The following PDHB variants were observed in gnomAD, a reference collection of about 807,000 sequenced individuals.
PDHB encodes pyruvate dehydrogenase E1 subunit beta.
PDHB carries 17 observed loss-of-function variants against 42.8 expected under a neutral mutation model. That is an observed-to-expected ratio of 0.40 (90% CI 0.27 to 0.60). The LOEUF is 0.60. Ranked by LOEUF, PDHB falls within the 20% of genes least tolerant of loss-of-function variation. The pLI is 0.46. For synonymous variants in PDHB, 154 were observed against 148.7 expected (o/e 1.04, Z -0.26); for missense variants, 322 against 451.3 (o/e 0.71, Z 2.60).
chr3:58,428,331 G>T, intron 9 of PDHB, 142 bp downstream of exon 9: 1 of 1,214,346 alleles, frequency 8.2e-7, no homozygotes, highest in Non-Finnish European at 1.2e-6. Flanking sequence ...ATATCTGCCT[G>T]AAGAGAAATG....
chr3:58,431,089 C>G lies in PDHB; in HGVS notation c.304-147G>C, dbSNP rs1474927906. 1.2e-5 allele frequency: 10 copies of G among 810,300 alleles called. No individual in the cohort carries two copies. Among genetic ancestry groups the G allele is most frequent in the Admixed American group, 1.0e-4 (5 of 47,756 alleles). The allele number at this position is 810,300 out of a possible 1,614,324, so 50.2% of individuals were successfully genotyped here. ...GGACAGGGTCTCACTGTCACCCATGCTGGAGTGCAGTGGCACACATCATAG... is the reference window on the plus strand; with the variant it reads ...GGACAGGGTCTCACTGTCACCCATGGTGGAGTGCAGTGGCACACATCATAG... On this transcript the variant is annotated intron_variant, in intron 5 of 9. Transcript: ENST00000302746. This position sits in a 1 kb window ranked among gnomAD's most constrained non-coding sequence, Gnocchi z 4.4.
rs916130485 is a variant in PDHB at position 58,433,537 on chromosome 3, C to T, written c.96+94G>A. 3.6e-6 allele frequency: 5 copies of T among 1,383,098 alleles called. No individual in the cohort carries two copies. In the East Asian group the frequency reaches 1.2e-4, roughly 34 times the overall value. 85.7% of individuals were successfully genotyped at this position (1,383,098 alleles called of 1,614,324 possible). On this transcript the variant is annotated intron_variant, in intron 2 of 9. Coordinates refer to ENST00000302746, the MANE Select transcript of PDHB (RefSeq NM_000925.4). ...TCCGCAAACCCAAGGCCCACGGCGC[C>T]GGAAGGCCACAGCGCAGGCGCGACT... is the stretch of plus-strand genomic sequence containing the variant.
chr3:58,433,819 G>A lies in PDHB; in HGVS notation c.-10C>T. ...CAGACACCGCCGCCATCTTGGTCGT[G>A]TCCTCTATCCGCTGCCAAACGACAA... On this transcript the variant is annotated 5_prime_UTR_variant, in exon 1 of 10. Coordinates refer to ENST00000302746, the MANE Select transcript of PDHB (RefSeq NM_000925.4). 6 of 1,609,714 alleles carry A rather than the reference G, an allele frequency of 3.7e-6. No individual in the cohort carries two copies. The highest frequency in any genetic ancestry group is 2.2e-5 in the East Asian group (1 of 44,636).
At position 58,429,801 on chromosome 3, in the gene PDHB, T is replaced by A; in HGVS notation, c.701-2A>T. On this transcript the variant is annotated splice_acceptor_variant, in intron 7 of 9. Coordinates refer to ENST00000302746, the MANE Select transcript of PDHB (RefSeq NM_000925.4). LOFTEE classifies it high-confidence loss of function. ...GGGAAACCACAGTTATATGTGTTCC[T>A]GAAAACAGAGTGGTCACAGATCAGA... The A allele has an allele frequency of 6.3e-7, 1 of 1,582,692 alleles. No individual in the cohort carries two copies.
At chr3:58,428,399 T>C in intron 9 of PDHB, 74 bp downstream of exon 9, 1 of 1,504,020 alleles carries the variant, frequency 6.6e-7, no homozygotes, top group Non-Finnish European at 9.3e-7. Context: ...TCAATCTCTT[T>C]ATCCTGTACG....
chr3:58,431,202 A>C lies in PDHB; in HGVS notation c.304-260T>G. On this transcript the variant is annotated intron_variant, in intron 5 of 9. Transcript: ENST00000302746. This position sits in a 1 kb window ranked among gnomAD's most constrained non-coding sequence, Gnocchi z 4.4. ...ACTGCAGGCAAGCACCACCACATCT[A>C]CCTACTTGGTATTTTTTTTTTTTCC... 1 of 538,002 alleles carries C rather than the reference A, an allele frequency of 1.9e-6. No individual in the cohort carries two copies. The highest frequency in any genetic ancestry group is 3.3e-6 in the Non-Finnish European group (1 of 302,596). The allele number at this position is 538,002 out of a possible 1,614,324, so 33.3% of individuals were successfully genotyped here.
At chr3:58,432,323 A>G (rs2062927383) in intron 2 of PDHB, 31 of 362,598 alleles carry the variant, frequency 8.5e-5, no homozygotes, top group South Asian at 7.3e-4. Flanking sequence ...TTCCACTTCT[A>G]TGTATATGCC....
chr3:58,432,711 A>G (rs939280014), intron 2 of PDHB: 3 of 150,638 alleles, frequency 2.0e-5, no homozygotes, highest in Non-Finnish European at 2.9e-5. Flanking sequence ...AAAAAAGAAA[A>G]TGTCGGGCTG....
In PDHB at chr3:58,430,735, C is replaced by A; in HGVS notation, c.511G>T (p.Gly171Cys). The change falls in exon 6 of 10, where the codon GGC (glycine) becomes TGC (cysteine). Residue 171 changes from glycine to cysteine, a missense_variant. Physicochemically the swap from Gly to Cys is radical, Grantham distance 159 (BLOSUM62 -3). Transcript: ENST00000302746. Reference sequence around the variant, plus strand: ...TTCCAGGGACTGACCACCTTTAAGCCTGGGCAGTGCCCATACCAGGCAGCA... The same window carrying A: ...TTCCAGGGACTGACCACCTTTAAGCATGGGCAGTGCCCATACCAGGCAGCA... ...CFAAWYGHCP[G>C]LKVVSPWNSE... 2 of 1,614,004 alleles carry A rather than the reference C, an allele frequency of 1.2e-6. No homozygotes were observed. Among genetic ancestry groups the A allele is most frequent in the African/African-American group, 2.7e-5 (2 of 75,072 alleles).
chr3:58,432,193 G>A lies in PDHB; in HGVS notation c.97-209C>T, dbSNP rs547981359. The A allele has an allele frequency of 6.4e-5, 38 of 589,822 alleles. No individual in the cohort carries two copies. The South Asian group carries it at 7.3e-4, about 11-fold the overall frequency. 36.5% of individuals were successfully genotyped at this position (589,822 alleles called of 1,614,324 possible). A position where few individuals can be genotyped will look rare whatever the true frequency, so the allele number is the denominator to read the frequency against. On this transcript the variant is annotated intron_variant, in intron 2 of 9. Transcript: ENST00000302746. Reference sequence around the variant, plus strand: ...GTGTTAATGTACTGAGTGCTCACTAGGTGCCAAGTACTGCCAAATACTTTG... The same window carrying A: ...GTGTTAATGTACTGAGTGCTCACTAAGTGCCAAGTACTGCCAAATACTTTG...
At chr3:58,433,716 C>T (rs2062944424) in intron 1 of PDHB, 32 bp from the exon 2 acceptor site, 3 of 1,612,374 alleles carry the variant, frequency 1.9e-6, no homozygotes, top group African/African-American at 1.3e-5. Flanking sequence ...GACGGCGGGA[C>T]GCAGGGTGGG....
chr3:58,433,814 G>T lies in PDHB; in HGVS notation c.-5C>A. 6.2e-7 allele frequency: 1 copy of T among 1,610,454 alleles called. No individual in the cohort carries two copies. Among genetic ancestry groups the T allele is most frequent in the African/African-American group, 1.3e-5 (1 of 74,964 alleles). ...CAAGCCAGACACCGCCGCCATCTTG[G>T]TCGTGTCCTCTATCCGCTGCCAAAC... is the stretch of plus-strand genomic sequence containing the variant. On this transcript the variant is annotated 5_prime_UTR_variant, in exon 1 of 10. Coordinates refer to ENST00000302746, the MANE Select transcript of PDHB (RefSeq NM_000925.4).
At chr3:58,428,336 GAA>G (rs770545101) in intron 9 of PDHB, 135 bp downstream of exon 9, 12 of 1,237,734 alleles carry the variant, frequency 9.7e-6, no homozygotes, top group Non-Finnish European at 1.3e-5. Flanking sequence ...TGCCTGAAGA[GAA>G]ATGCCAAACT....
intron 2 of PDHB, 99 bp downstream of exon 2, chr3:58,433,532 G>T: frequency 3.8e-6 from 5 of 1,327,412 alleles, no homozygotes; most frequent in Non-Finnish European, 5.2e-6. Flanking sequence ...CAAGGCCCAC[G>T]GCGCCGGAAG....
intron 2 of PDHB, 61 bp downstream of exon 2, chr3:58,433,570 C>G: frequency 6.5e-7 from 1 of 1,546,940 alleles, no homozygotes; most frequent in Admixed American, 1.9e-5. Flanking sequence ...ACTCCGGCCT[C>G]CTTCCCGAGA....
chr3:58,428,630 A>G lies in PDHB; in HGVS notation c.793-16T>C. 6.2e-7 allele frequency: 1 copy of G among 1,608,486 alleles called. No homozygotes were observed. Among genetic ancestry groups the G allele is most frequent in the Non-Finnish European group, 8.5e-7 (1 of 1,175,182 alleles). ...TATTTATCACCTAAACAGGTAATAT[A>G]ATCAAGTTTACAGAGCTATTGCAGC... On this transcript the variant is annotated splice_polypyrimidine_tract_variant and intron_variant, in intron 8 of 9. Transcript: ENST00000302746.
Position 58,428,113 on chromosome 3 carries a change from T to G in PDHB, c.1001A>C (p.Tyr334Ser). Reference protein sequence around the residue: ...RVTGADVPMPYAKILEDNSIP... With the variant: ...RVTGADVPMPSAKILEDNSIP... ...AGAGTTGTCCTCTAGAATCTTTGCATAAGGCATAGGGACATCAGCACCAGT... is the reference window on the plus strand; with the variant it reads ...AGAGTTGTCCTCTAGAATCTTTGCAGAAGGCATAGGGACATCAGCACCAGT... Residue 334 changes from tyrosine (Y) to serine (S), a missense_variant, in exon 10 of 10, where the codon TAT (tyrosine) becomes TCT (serine). Physicochemically the swap from Tyr to Ser is moderately radical, Grantham distance 144 (BLOSUM62 -2). This residue lies in a region of PDHB where 208 missense variants were observed against 285.0 expected (regional missense o/e 0.73). Coordinates refer to ENST00000302746, the MANE Select transcript of PDHB (RefSeq NM_000925.4). 6.2e-7 allele frequency: 1 copy of G among 1,611,986 alleles called. No homozygotes were observed. The highest frequency in any genetic ancestry group is 8.5e-7 in the Non-Finnish European group (1 of 1,178,010).
intron 2 of PDHB, 143 bp downstream of exon 2, chr3:58,433,488 A>C: frequency 2.3e-6 from 2 of 862,004 alleles, no homozygotes; most frequent in Non-Finnish European, 3.7e-6. Flanking sequence ...CAGAGGCAGC[A>C]GGAGCTCCAC....
At position 58,428,067 on chromosome 3, in the gene PDHB, G is replaced by T. The variant is rs772087134; in HGVS notation, c.1047C>A (p.Ile349=). The change falls in exon 10 of 10, where the codon ATC becomes ATA. Residue 349 remains isoleucine (I), a synonymous_variant. Transcript: ENST00000302746. ...EDNSIPQVKD[I]IFAIKKTLNI is the part of the protein sequence containing the mutation. Reference sequence around the variant, plus strand: ...TTAATGTTTTCTTTATTGCAAATATGATGTCTTTGACCTGAGGTATAGAGT... The same window carrying T: ...TTAATGTTTTCTTTATTGCAAATATTATGTCTTTGACCTGAGGTATAGAGT... 1.9e-5 allele frequency: 30 copies of T among 1,608,560 alleles called. No homozygotes were observed. Among genetic ancestry groups the T allele is most frequent in the Non-Finnish European group, 2.6e-5 (30 of 1,175,008 alleles).
Sources: allele counts gnomAD v4.1 joint callset, GRCh38; gene constraint gnomAD v4.1.1; regional missense constraint gnomAD v4.1.1; non-coding constraint Gnocchi (gnomAD v3.1); transcripts MANE v1.5; gene names NCBI Gene and HGNC (gene_info 2026-07-23, HGNC 2026-07-21).